SPATA13: variants seen among roughly 807,000 people sequenced by gnomAD.
SPATA13 encodes the protein spermatogenesis-associated protein 13.
Under a neutral mutation model 104.0 loss-of-function variants are expected in SPATA13, and 50 were observed. The ratio of observed to expected loss-of-function variants is 0.48; its 90% CI spans 0.38 to 0.61. SPATA13 has a LOEUF of 0.61. Among genes scored for constraint, SPATA13 ranks in the 20% least tolerant of loss-of-function variants. The pLI, the probability that SPATA13 is intolerant of heterozygous loss-of-function variation, is 0.00. For synonymous variants in SPATA13, 606 were observed against 667.5 expected (o/e 0.91, Z 1.42); for missense variants, 1,524 against 1,690.6 (o/e 0.90, Z 1.73).
At chr13:24,154,594 A>C (rs550439091) in intron 3 of SPATA13, among the ~76,000 whole-genome samples, 1 of 152,322 alleles carries the variant, frequency 6.6e-6, no homozygotes, top group East Asian at 1.9e-4. Context: ...ATGTTGTATT[A>C]GTTTTCTATG....
At chr13:24,118,571 C>T (rs1187538918) in intron 3 of SPATA13, among the ~76,000 whole-genome samples, 1 of 152,102 alleles carries the variant, frequency 6.6e-6, no homozygotes, top group Non-Finnish European at 1.5e-5. Flanking sequence ...ATGACTTAAG[C>T]CCCACCCCCT....
At position 24,224,315 on chromosome 13, in the gene SPATA13, C is replaced by T. The variant is rs980395584; in HGVS notation, c.1386C>T (p.Thr462=). Residue 462 remains threonine (T), a synonymous_variant, in exon 2 of 13, where the codon ACC becomes ACT. Coordinates refer to ENST00000382108, the MANE Select transcript of SPATA13 (RefSeq NM_001166271.3). ...CATTTGACCCTGAGCAGCCTCCCAC[C>T]CCTCTAAGGCCCACCACACCCAAGC... ...QLTFDPEQPP[T]PLRPTTPKPQ... 2.7e-5 allele frequency: 42 copies of T among 1,551,764 alleles called. No homozygotes were observed. The highest frequency in any genetic ancestry group is 3.6e-5 in the South Asian group (3 of 84,066).
chr13:24,271,999 T>C (rs1264980464), intron 4 of SPATA13, among the ~76,000 whole-genome samples: 1 of 152,214 alleles, frequency 6.6e-6, no homozygotes, highest in Non-Finnish European at 1.5e-5. Flanking sequence ...GCGATTTCTA[T>C]ATTGAGAACA....
rs551940990 is a variant in SPATA13, at chr13:24,174,137, A to G, written c.-112+13205A>G. On this transcript the variant is annotated intron_variant, in intron 1 of 12. Coordinates refer to ENST00000382108, the MANE Select transcript of SPATA13 (RefSeq NM_001166271.3). ...TTGAAATTACAGATTCACTTTCCTT[A>G]ATGGTTAAGGGCTGTTGAAGTTATC... Among the ~76,000 whole-genome samples the G allele has an allele frequency of 3.3e-5, 5 of 152,238 alleles. No individual in the cohort carries two copies. The East Asian group carries it at 9.6e-4, about 29-fold the overall frequency.
chr13:24,062,363 G>T (rs144792612), intron 3 of SPATA13, among the ~76,000 whole-genome samples: 33 of 152,344 alleles, frequency 2.2e-4, no homozygotes, highest in Non-Finnish European at 4.0e-4. Flanking sequence ...GGAGGCCAGG[G>T]ACTGACTGGG....
At chr13:24,122,706 C>G in intron 3 of SPATA13, 1 of 942,914 alleles carries the variant, frequency 1.1e-6, no homozygotes, top group Non-Finnish European at 1.8e-6. Context: ...TACATAATTA[C>G]GAAGGAGGAG....
At chr13:24,021,949 A>G (rs1190875473) in intron 3 of SPATA13, among the ~76,000 whole-genome samples, 4 of 151,634 alleles carry the variant, frequency 2.6e-5, no homozygotes, top group South Asian at 4.2e-4. Flanking sequence ...CTGACCTCGT[A>G]ATCTGCCTGC....
intron 2 of SPATA13, among the ~76,000 whole-genome samples, chr13:24,234,270 T>A (rs1872450210): frequency 6.6e-6 from 1 of 152,216 alleles, no homozygotes; most frequent in South Asian, 2.1e-4. Flanking sequence ...TCTTATTTTA[T>A]CTTAATTAGC....
At chr13:24,252,057 T>C (rs1040535619) in intron 4 of SPATA13, among the ~76,000 whole-genome samples, 195 bp downstream of exon 4, 4 of 152,188 alleles carry the variant, frequency 2.6e-5, no homozygotes. Flanking sequence ...TGTGCCAGGC[T>C]GGTGGCTCTA....
chr13:24,110,227 G>A (rs1163855433), intron 3 of SPATA13, among the ~76,000 whole-genome samples: 1 of 151,676 alleles, frequency 6.6e-6, no homozygotes, highest in Non-Finnish European at 1.5e-5. Flanking sequence ...TCGCTGAGCC[G>A]GCTCTCCCAG....
chr13:24,241,570 G>A (rs1387909713), intron 2 of SPATA13, among the ~76,000 whole-genome samples: 1 of 152,230 alleles, frequency 6.6e-6, no homozygotes, highest in Non-Finnish European at 1.5e-5. Flanking sequence ...TCCTCAGCTT[G>A]CCTAAGTGAT....
chr13:24,249,951 G>T (rs1873391733), intron 3 of SPATA13, 109 bp downstream of exon 3: 2 of 1,425,900 alleles, frequency 1.4e-6, no homozygotes. Context: ...GTTCTCAAGG[G>T]CGGCACCATG....
At chr13:24,225,438 G>A (rs1335515573) in intron 2 of SPATA13, among the ~76,000 whole-genome samples, 1 of 152,248 alleles carries the variant, frequency 6.6e-6, no homozygotes, top group Non-Finnish European at 1.5e-5. Context: ...GAATCACAGA[G>A]CCCCAAAGAG....
chr13:24,278,859 A>T (rs769412163), intron 4 of SPATA13: 1 of 1,518,930 alleles, frequency 6.6e-7, no homozygotes, highest in Non-Finnish European at 8.7e-7. Context: ...CATGAAGTCC[A>T]CATGCTGTTT....
Position 24,018,656 on chromosome 13 carries a change from G to T in SPATA13, c.-112+955G>T, listed in dbSNP as rs186068536. On this transcript the variant is annotated intron_variant, in intron 3 of 14. Transcript: ENST00000424834. ...GCGCTGCTTGTTTGATGTTTTAGCAGAGGGTTACTTATTGATCTGCACCAT... is the reference window on the plus strand; with the variant it reads ...GCGCTGCTTGTTTGATGTTTTAGCATAGGGTTACTTATTGATCTGCACCAT... Among the ~76,000 whole-genome samples the T allele has an allele frequency of 1.7e-3, 257 of 152,354 alleles. 4 individuals carry two copies. Among genetic ancestry groups the T allele is most frequent in the African/African-American group, 3.7e-3 (155 of 41,580 alleles).
chr13:24,025,445 G>A (rs927639276), intron 3 of SPATA13, among the ~76,000 whole-genome samples: 1 of 152,058 alleles, frequency 6.6e-6, no homozygotes, highest in Non-Finnish European at 1.5e-5. Flanking sequence ...CATTCTATGT[G>A]TCTCCCAGTA....
intron 3 of SPATA13, among the ~76,000 whole-genome samples, chr13:24,079,918 AC>A (rs1879454406): frequency 6.6e-6 from 1 of 152,206 alleles, no homozygotes; most frequent in Non-Finnish European, 1.5e-5. Context: ...CCGTGTCCCA[AC>A]CAGCATATCT....
chr13:24,037,550 GGT>G (rs10557876), intron 3 of SPATA13, among the ~76,000 whole-genome samples: 141,734 of 151,600 alleles, frequency 0.93, 67,017 homozygotes, highest in East Asian at 1. Context: ...TGGGACTACA[GGT>G]GTGCACACCA....
chr13:24,120,987 A>G (rs1881014761), intron 3 of SPATA13, among the ~76,000 whole-genome samples: 1 of 152,044 alleles, frequency 6.6e-6, no homozygotes, highest in Non-Finnish European at 1.5e-5. Context: ...AACAAACGAT[A>G]ACGAGGAAGT....
Sources: allele counts gnomAD v4.1 joint callset (sites outside exome capture counted in the v4.1 genomes callset), GRCh38; gene constraint gnomAD v4.1.1; transcripts MANE v1.5; gene names NCBI Gene and HGNC (gene_info 2026-07-23, HGNC 2026-07-21).